Variants in LIN7A observed in about 807,000 individuals in gnomAD.
The protein encoded by LIN7A is lin-7 cell polarity scaffold A.
In LIN7A, 25 loss-of-function variants were observed where a neutral mutation model predicts 29.8. The observed-to-expected ratio is 0.84, with a 90% CI of 0.61 to 1.17. The LOEUF (loss-of-function observed/expected upper bound fraction) is 1.17. Among genes scored for constraint, LIN7A ranks in the 50% most tolerant of loss-of-function variants. The probability of loss-of-function intolerance (pLI) is 0.00; values close to 1 mark genes in which losing one functional copy is unlikely to be tolerated. For synonymous variants in LIN7A, 118 were observed against 107.5 expected, an observed-to-expected ratio of 1.10 and a Z score of -0.60; for missense variants, 239 against 287.0, an observed-to-expected ratio of 0.83 and a Z score of 1.21.
intron 2 of LIN7A, among the ~76,000 whole-genome samples, chr12:80,855,510 A>G (rs1873551936): frequency 6.6e-6 from 1 of 152,064 alleles, no homozygotes; most frequent in East Asian, 1.9e-4. Context: ...TAAAAATAAA[A>G]ATTTAGCTCC....
intron 1 of LIN7A, among the ~76,000 whole-genome samples, chr12:80,929,678 TTTC>T (rs1288945660): frequency 6.6e-6 from 1 of 152,160 alleles, no homozygotes; most frequent in Non-Finnish European, 1.5e-5. Context: ...GGATCACCAC[TTTC>T]TTTTCTAAGT....
At chr12:80,877,809 C>T (rs1477403257) in intron 2 of LIN7A, among the ~76,000 whole-genome samples, 1 of 151,714 alleles carries the variant, frequency 6.6e-6, no homozygotes, top group Non-Finnish European at 1.5e-5. Flanking sequence ...ACTTCTTTCT[C>T]TCCATTTTTG....
intron 2 of LIN7A, among the ~76,000 whole-genome samples, chr12:80,884,456 CTGAT>C (rs1368545732): frequency 6.6e-6 from 1 of 152,132 alleles, no homozygotes; most frequent in Admixed American, 6.5e-5. Flanking sequence ...TTAAACCAGA[CTGAT>C]TGATAATTTA....
At chr12:80,869,883 A>C (rs954327129) in intron 2 of LIN7A, among the ~76,000 whole-genome samples, 10 of 152,168 alleles carry the variant, frequency 6.6e-5, no homozygotes, top group African/African-American at 2.2e-4. Context: ...ATGGAAACCT[A>C]TCATACAAAA....
chr12:80,801,532 G>A (rs1419965326), intron 5 of LIN7A, among the ~76,000 whole-genome samples: 2 of 152,064 alleles, frequency 1.3e-5, no homozygotes, highest in African/African-American at 4.8e-5. Context: ...AATAATAATT[G>A]TATACATTTG....
At chr12:80,904,925 A>AT (rs1041743897) in intron 1 of LIN7A, among the ~76,000 whole-genome samples, 3 of 151,600 alleles carry the variant, frequency 2.0e-5, no homozygotes, top group African/African-American at 4.8e-5. Context: ...TTTTATTCAC[A>AT]TTTTTTTTCA....
intron 2 of LIN7A, among the ~76,000 whole-genome samples, chr12:80,886,313 T>C (rs11114645): frequency 0.052 from 7,982 of 152,114 alleles, 355 homozygotes; most frequent in Admixed American, 0.15. Context: ...ACTTTATAGC[T>C]GCAATTTTCT....
At chr12:80,864,807 A>G (rs1874056866) in intron 2 of LIN7A, among the ~76,000 whole-genome samples, 1 of 152,222 alleles carries the variant, frequency 6.6e-6, no homozygotes, top group South Asian at 2.1e-4. Flanking sequence ...GAAGATGTGA[A>G]TTTGAATACA....
chr12:80,884,981 T>G (rs929011499), intron 2 of LIN7A, among the ~76,000 whole-genome samples: 2 of 152,170 alleles, frequency 1.3e-5, no homozygotes, highest in African/African-American at 4.8e-5. Flanking sequence ...TGGAAGATGA[T>G]GATAGTACAT....
At chr12:80,848,845 A>T (rs180872699) in intron 2 of LIN7A, among the ~76,000 whole-genome samples, 88 of 152,224 alleles carry the variant, frequency 5.8e-4, no homozygotes, top group Non-Finnish European at 4.7e-4. Context: ...AAAGGGAAAA[A>T]CTGCAATCGA....
chr12:80,866,569 A>G (rs1482112735), intron 2 of LIN7A, among the ~76,000 whole-genome samples: 1 of 152,168 alleles, frequency 6.6e-6, no homozygotes, highest in Non-Finnish European at 1.5e-5. Flanking sequence ...TAATGGAATC[A>G]CCTGGGGATT....
chr12:80,865,401 CA>C (rs5799494), intron 2 of LIN7A, among the ~76,000 whole-genome samples: 152,328 of 152,328 alleles, frequency 1, 76,164 homozygotes, highest in Non-Finnish European at 1. Context: ...TAATATCTAC[CA>C]CAGTTTTTAT....
chr12:80,809,767 C>G (rs1377707340), intron 5 of LIN7A, among the ~76,000 whole-genome samples: 1 of 152,092 alleles, frequency 6.6e-6, no homozygotes, highest in East Asian at 1.9e-4. Flanking sequence ...TGATAATATA[C>G]AGCAAAACCT....
intron 1 of LIN7A, 78 bp downstream of exon 1, chr12:80,937,563 C>T: frequency 9.1e-7 from 1 of 1,094,490 alleles, no homozygotes; most frequent in Non-Finnish European, 1.2e-6. Context: ...CGTCCCATGT[C>T]CCGTTGGGAA....
intron 4 of LIN7A, among the ~76,000 whole-genome samples, chr12:80,818,768 A>G (rs557651108): frequency 6.6e-6 from 1 of 152,322 alleles, no homozygotes; most frequent in Admixed American, 6.5e-5. Flanking sequence ...TCAGTCTCTG[A>G]CATGTAGATT....
At chr12:80,832,150 T>C (rs886710432) in intron 4 of LIN7A, among the ~76,000 whole-genome samples, 6 of 152,206 alleles carry the variant, frequency 3.9e-5, no homozygotes, top group African/African-American at 1.4e-4. Context: ...TTTCTACAAA[T>C]CACTCAAAGC....
chr12:80,803,131 G>C (rs577777187), intron 5 of LIN7A, among the ~76,000 whole-genome samples: 7 of 152,290 alleles, frequency 4.6e-5, no homozygotes, highest in African/African-American at 1.7e-4. Context: ...AAGCTGTTTA[G>C]TTGGGTAGAA....
intron 1 of LIN7A, among the ~76,000 whole-genome samples, chr12:80,920,077 G>A (rs1159030277): frequency 2.6e-5 from 4 of 152,134 alleles, no homozygotes; most frequent in Admixed American, 2.6e-4. Context: ...TATAAGCAGA[G>A]GTTGAAAAGT....
intron 1 of LIN7A, among the ~76,000 whole-genome samples, chr12:80,894,339 G>T (rs1839527933): frequency 6.6e-6 from 1 of 152,028 alleles, no homozygotes; most frequent in South Asian, 2.1e-4. Flanking sequence ...AAGCAAGAAG[G>T]ATTATTTTCC....
Sources: gnomAD v4.1 joint callset for allele counts (sites outside exome capture counted in the v4.1 genomes callset) on GRCh38, gnomAD v4.1.1 for gene constraint, MANE v1.5 for transcripts, NCBI Gene and HGNC (gene_info 2026-07-23, HGNC 2026-07-21) for gene names.